Variants in RASGEF1C observed in about 807,000 individuals in gnomAD.
RASGEF1C encodes RasGEF domain family member 1C.
A neutral mutation model predicts 58.1 loss-of-function variants in RASGEF1C; 27 were observed. That is an observed-to-expected ratio of 0.46 (90% confidence interval 0.34 to 0.64). The LOEUF is 0.64. Among genes scored for constraint, RASGEF1C ranks in the 30% least tolerant of loss-of-function variants. RASGEF1C has a pLI of 0.01. For missense variants in RASGEF1C, 502 were observed against 605.1 expected (o/e 0.83, Z 1.79); for synonymous variants, 243 against 246.3 (o/e 0.99, Z 0.13).
At chr5:180,132,339 C>T (rs1223139072) in intron 4 of RASGEF1C, among the ~76,000 whole-genome samples, 2 of 152,214 alleles carry the variant, frequency 1.3e-5, no homozygotes, top group Admixed American at 6.5e-5. Context: ...GTGGCCTGGG[C>T]GGCAGCCACG....
rs74770530 is a variant in RASGEF1C, at chr5:180,119,046, T to C, written c.908-180A>G. 9.2e-3 allele frequency among the ~76,000 whole-genome samples: 1,398 copies of C among 152,334 alleles called. 27 individuals are homozygous for C. Among genetic ancestry groups the C allele is most frequent in the African/African-American group, 0.032 (1,314 of 41,572 alleles). The stretch of plus-strand genomic sequence containing the variant: ...TGGTCAGGTAGGCCTGCTGCCACCA[T>C]GCTGGTCCCATTCTGTACCAAGCAC... On this transcript the variant is annotated intron_variant, in intron 8 of 13. Transcript: ENST00000361132.
At chr5:180,162,156 A>C (rs1220165369) in intron 1 of RASGEF1C, among the ~76,000 whole-genome samples, 1 of 152,160 alleles carries the variant, frequency 6.6e-6, no homozygotes, top group East Asian at 1.9e-4. Flanking sequence ...AGGGGGTGTG[A>C]GCACTGTCTG....
chr5:180,165,240 G>A (rs190262583), intron 1 of RASGEF1C, among the ~76,000 whole-genome samples: 27 of 152,094 alleles, frequency 1.8e-4, no homozygotes, highest in Middle Eastern at 3.4e-3. Context: ...CCTTTCATGG[G>A]TAGTCTTAAG....
At chr5:180,157,627 C>CAAA (rs71001077) in intron 1 of RASGEF1C, among the ~76,000 whole-genome samples, 10 of 131,354 alleles carry the variant, frequency 7.6e-5, no homozygotes, top group South Asian at 2.4e-4. Context: ...AACTCCGTCT[C>CAAA]AAAAAAAAAA....
At position 180,136,438 on chromosome 5, in the gene RASGEF1C, CT is replaced by C; in HGVS notation, c.377del (p.Gln126ArgfsTer83). 6.4e-7 allele frequency: 1 copy of C among 1,560,988 alleles called. No homozygotes were observed. Among genetic ancestry groups the C allele is most frequent in the Non-Finnish European group, 8.7e-7 (1 of 1,152,394 alleles). On this transcript the variant is annotated frameshift_variant, in exon 4 of 14. Transcript: ENST00000361132. LOFTEE classifies it high-confidence loss of function. ...TAAGGTGCCCGATAGTCGACTCTTC[CT>C]GGAAGTCCCTTGGGAAGGTCTCGGT... Reference protein sequence around the residue: ...EWTETFPRDFQEESTIGHLKD... With the variant: ...EWTETFPRDFXEESTIGHLKD...
At chr5:180,205,568 G>A (rs1756473022) in intron 1 of RASGEF1C, among the ~76,000 whole-genome samples, 1 of 152,052 alleles carries the variant, frequency 6.6e-6, no homozygotes, top group Non-Finnish European at 1.5e-5. Flanking sequence ...CAGCAGCAAC[G>A]TGCTGCAACA....
intron 1 of RASGEF1C, among the ~76,000 whole-genome samples, chr5:180,179,666 T>C (rs1581122865): frequency 6.6e-6 from 1 of 152,266 alleles, no homozygotes; most frequent in South Asian, 2.1e-4. Flanking sequence ...GGGCGTCAGG[T>C]ATGCAAACTG....
At chr5:180,176,799 G>A (rs961275839) in intron 1 of RASGEF1C, among the ~76,000 whole-genome samples, 15 of 152,126 alleles carry the variant, frequency 9.9e-5, no homozygotes, top group East Asian at 1.9e-4. Context: ...TTCATGATCC[G>A]CCCGCCTCGG....
At chr5:180,182,160 G>A (rs1478704341) in intron 1 of RASGEF1C, among the ~76,000 whole-genome samples, 3 of 130,788 alleles carry the variant, frequency 2.3e-5, no homozygotes, top group Middle Eastern at 4.8e-3. Context: ...AGTCGAGATC[G>A]CGCCACTGAA....
intron 1 of RASGEF1C, among the ~76,000 whole-genome samples, chr5:180,141,197 T>G (rs759256785): frequency 7.9e-5 from 12 of 152,348 alleles, no homozygotes; most frequent in Non-Finnish European, 1.6e-4. Flanking sequence ...ACAATGCGTT[T>G]TGAGGACCTT....
chr5:180,118,981 G>T, intron 8 of RASGEF1C, 115 bp from the exon 9 acceptor site: 1 of 939,354 alleles, frequency 1.1e-6, no homozygotes, highest in Non-Finnish European at 1.7e-6. Context: ...GGCTCAGCCT[G>T]TCACATGGTG....
chr5:180,204,747 G>A (rs1411123824), intron 1 of RASGEF1C, among the ~76,000 whole-genome samples: 1 of 152,120 alleles, frequency 6.6e-6, no homozygotes, highest in African/African-American at 2.4e-5. Context: ...CAGGAACAAG[G>A]TAAGGAGGCC....
chr5:180,199,849 G>A (rs1756351317), intron 1 of RASGEF1C, among the ~76,000 whole-genome samples: 1 of 152,100 alleles, frequency 6.6e-6, no homozygotes, highest in South Asian at 2.1e-4. Context: ...TTTCTTGAAC[G>A]TGCATTCAAA....
chr5:180,121,308 T>C (rs1455038083), intron 6 of RASGEF1C, among the ~76,000 whole-genome samples, 159 bp from the exon 7 acceptor site: 1 of 149,120 alleles, frequency 6.7e-6, no homozygotes, highest in African/African-American at 2.5e-5. Flanking sequence ...TTCAGTCCTC[T>C]TAAAAGTACA....
intron 1 of RASGEF1C, among the ~76,000 whole-genome samples, chr5:180,175,768 G>C (rs1231720508): frequency 6.6e-6 from 1 of 152,222 alleles, no homozygotes; most frequent in Admixed American, 6.5e-5. Context: ...GGGAGGCTGA[G>C]GCAGCAGATC....
At chr5:180,125,522 C>T (rs1242263460) in intron 6 of RASGEF1C, among the ~76,000 whole-genome samples, 2 of 152,348 alleles carry the variant, frequency 1.3e-5, no homozygotes, top group Middle Eastern at 3.4e-3. Context: ...GTGGTTCATG[C>T]CTGTAATCCC....
intron 1 of RASGEF1C, among the ~76,000 whole-genome samples, chr5:180,208,822 C>T (rs1756541180): frequency 6.6e-6 from 1 of 151,622 alleles, no homozygotes; most frequent in Admixed American, 6.6e-5. Context: ...GGTGTGCCCT[C>T]AGGGTACCCT....
intron 1 of RASGEF1C, among the ~76,000 whole-genome samples, chr5:180,193,403 G>A (rs1756204573): frequency 6.6e-6 from 1 of 152,220 alleles, no homozygotes; most frequent in East Asian, 1.9e-4. Flanking sequence ...GTGGCTACTA[G>A]AAAATTTCAA....
intron 1 of RASGEF1C, among the ~76,000 whole-genome samples, chr5:180,188,906 A>G (rs1756095767): frequency 6.6e-6 from 1 of 152,158 alleles, no homozygotes. Context: ...CACTTCCAAT[A>G]CTTCTATTCA....
Sources: gnomAD v4.1 joint callset for allele counts (sites outside exome capture counted in the v4.1 genomes callset) on GRCh38, gnomAD v4.1.1 for gene constraint, MANE v1.5 for transcripts, NCBI Gene and HGNC (gene_info 2026-07-23, HGNC 2026-07-21) for gene names.